Variants in GALNT10 observed in about 807,000 individuals in gnomAD.
The protein encoded by GALNT10 is GalNAc transferase 10.
Under a neutral mutation model 75.0 loss-of-function variants are expected in GALNT10, and 41 were observed. The ratio of observed to expected loss-of-function variants is 0.55; its 90% CI spans 0.43 to 0.71. The LOEUF (loss-of-function observed/expected upper bound fraction) is 0.71, where lower values mean the gene tolerates loss of function less well. Ranked by LOEUF, GALNT10 falls within the 30% of genes least tolerant of loss-of-function variation. The pLI is 0.00. For synonymous variants in GALNT10, 302 were observed against 313.0 expected (o/e 0.96, Z 0.37); for missense variants, 727 against 818.5 (o/e 0.89, Z 1.36).
At chr5:154,196,081 G>A (rs1055772911) in intron 1 of GALNT10, among the ~76,000 whole-genome samples, 3 of 152,054 alleles carry the variant, frequency 2.0e-5, no homozygotes, top group Non-Finnish European at 2.9e-5. Context: ...GCGCCACCAA[G>A]CCTGGCTAAT....
At chr5:154,251,992 T>C (rs1368304890) in intron 1 of GALNT10, among the ~76,000 whole-genome samples, 1 of 152,106 alleles carries the variant, frequency 6.6e-6, no homozygotes. Context: ...TTCTCTATTA[T>C]ATTTCTGTAG....
At chr5:154,350,530 G>T (rs1268002418) in intron 4 of GALNT10, among the ~76,000 whole-genome samples, 2 of 152,174 alleles carry the variant, frequency 1.3e-5, no homozygotes, top group Admixed American at 6.5e-5. Context: ...TATGTGCAGG[G>T]TTATTCACCA....
At chr5:154,279,397 A>G (rs1416638793) in intron 1 of GALNT10, among the ~76,000 whole-genome samples, 1 of 146,880 alleles carries the variant, frequency 6.8e-6, no homozygotes, top group Non-Finnish European at 1.5e-5. Context: ...TCCGCCTCCC[A>G]GGTTCAAGTA....
chr5:154,369,996 A>G lies in GALNT10; in HGVS notation c.569-6281A>G, dbSNP rs143663234. Reference sequence around the variant, plus strand: ...TGCTGTTTCTGCAAGGCTCAGTGGCATCAGAGATTGAAACTCTGAAATATT... The same window carrying G: ...TGCTGTTTCTGCAAGGCTCAGTGGCGTCAGAGATTGAAACTCTGAAATATT... On this transcript the variant is annotated intron_variant, in intron 4 of 11. Transcript: ENST00000297107. Among the ~76,000 whole-genome samples the G allele has an allele frequency of 1.7e-3, 265 of 152,356 alleles. 1 individual carries two copies. Among genetic ancestry groups the G allele is most frequent in the African/African-American group, 6.1e-3 (255 of 41,588 alleles).
At chr5:154,331,066 G>A (rs1157611705) in intron 4 of GALNT10, among the ~76,000 whole-genome samples, 3 of 152,038 alleles carry the variant, frequency 2.0e-5, no homozygotes, top group African/African-American at 4.8e-5. Flanking sequence ...TATCACAGGT[G>A]GAATTAAAAT....
intron 3 of GALNT10, among the ~76,000 whole-genome samples, chr5:154,301,562 G>GTTT (rs371007487): frequency 1.5e-5 from 2 of 129,678 alleles, no homozygotes; most frequent in African/African-American, 2.8e-5. Flanking sequence ...TTGTTTTTTT[G>GTTT]TTTTTTTTTT....
At chr5:154,264,245 G>A (rs191188343) in intron 1 of GALNT10, among the ~76,000 whole-genome samples, 55 of 151,016 alleles carry the variant, frequency 3.6e-4, no homozygotes, top group South Asian at 1.9e-3. Context: ...CCTGGGAGGC[G>A]GAGGTTGCAG....
chr5:154,330,121 GTTTC>G (rs1407617687), intron 4 of GALNT10, among the ~76,000 whole-genome samples: 1 of 152,248 alleles, frequency 6.6e-6, no homozygotes, highest in African/African-American at 2.4e-5. Flanking sequence ...GAACCAGGCT[GTTTC>G]TTTGTTTCTG....
chr5:154,397,737 G>A (rs1339777967), intron 7 of GALNT10, among the ~76,000 whole-genome samples: 4 of 152,244 alleles, frequency 2.6e-5, no homozygotes, highest in African/African-American at 7.2e-5. Flanking sequence ...GGCAAAAGCC[G>A]TGGCCAGCTG....
intron 7 of GALNT10, chr5:154,388,687 GA>G (rs1259502601): frequency 8.8e-6 from 1 of 113,090 alleles, no homozygotes. Context: ...CCCTTTCTGG[GA>G]TTTTTTTTTT....
chr5:154,417,111 T>C lies in GALNT10; in HGVS notation c.*139T>C, dbSNP rs115418821. The C allele has an allele frequency of 1.8e-3, 1,285 of 727,942 alleles. 17 individuals carry two copies. The African/African-American group carries it at 0.019, about 11-fold the overall frequency. 45.1% of individuals were successfully genotyped at this position (727,942 alleles called of 1,614,324 possible). On this transcript the variant is annotated 3_prime_UTR_variant, in exon 12 of 12. Transcript: ENST00000297107. ...GTTCAGGGTGAAGAGGGCTCTTGAT[T>C]CAGGGGCTGGGGTCTGCCTGGTCCT...
intron 4 of GALNT10, among the ~76,000 whole-genome samples, chr5:154,363,494 A>G (rs1407659600): frequency 4.9e-5 from 3 of 61,080 alleles, no homozygotes; most frequent in South Asian, 5.0e-4. Flanking sequence ...GTTTATCTGA[A>G]AAAAAAAAAA....
chr5:154,305,292 T>C (rs1224231876), intron 3 of GALNT10, among the ~76,000 whole-genome samples: 1 of 142,700 alleles, frequency 7.0e-6, no homozygotes, highest in Non-Finnish European at 1.5e-5. Context: ...CAAGACCTCA[T>C]CTGTAAAAAA....
intron 1 of GALNT10, among the ~76,000 whole-genome samples, chr5:154,289,425 G>T: frequency 6.6e-6 from 1 of 152,110 alleles, no homozygotes; most frequent in East Asian, 1.9e-4. Context: ...CATTCAGCTG[G>T]TATTTTTCAA....
At position 154,417,089 on chromosome 5, in the gene GALNT10, C is replaced by T; in HGVS notation, c.*117C>T. On this transcript the variant is annotated 3_prime_UTR_variant, in exon 12 of 12. Coordinates refer to ENST00000297107, the MANE Select transcript of GALNT10 (RefSeq NM_198321.4). Reference sequence around the variant, plus strand: ...TGTAAAAGGTGCTGGCCAAATGGTTCAGGGTGAAGAGGGCTCTTGATTCAG... The same window carrying T: ...TGTAAAAGGTGCTGGCCAAATGGTTTAGGGTGAAGAGGGCTCTTGATTCAG... 1.1e-6 allele frequency: 1 copy of T among 887,354 alleles called. No individual in the cohort carries two copies. Among genetic ancestry groups the T allele is most frequent in the Admixed American group, 2.1e-5 (1 of 47,220 alleles). The allele number at this position is 887,354 out of a possible 1,614,324, so 55.0% of individuals were successfully genotyped here. A position where few individuals can be genotyped will look rare whatever the true frequency, so the allele number is the denominator to read the frequency against.
chr5:154,277,981 G>A (rs1437254686), intron 1 of GALNT10, among the ~76,000 whole-genome samples: 1 of 144,296 alleles, frequency 6.9e-6, no homozygotes, highest in Non-Finnish European at 1.5e-5. Context: ...CCTAACCTAA[G>A]GCCAAAAAAA....
rs200481518 is a variant in GALNT10 at position 154,386,450 on chromosome 5, G to A, written c.1056+20G>A. Reference sequence around the variant, plus strand: ...TTCAAGGTGAGCCAGCTCTCCAGACGCCCCGTTCTTGGCACAGCCTCCTGA... The same window carrying A: ...TTCAAGGTGAGCCAGCTCTCCAGACACCCCGTTCTTGGCACAGCCTCCTGA... On this transcript the variant is annotated intron_variant, in intron 7 of 11. Transcript: ENST00000297107. 17 of 1,469,766 alleles carry A rather than the reference G, an allele frequency of 1.2e-5. No individual in the cohort carries two copies. The East Asian group carries it at 1.8e-4, about 16-fold the overall frequency. The allele number at this position is 1,469,766 out of a possible 1,614,324, so 91.0% of individuals were successfully genotyped here.
chr5:154,282,277 G>T (rs1754050270), intron 1 of GALNT10, among the ~76,000 whole-genome samples: 1 of 152,154 alleles, frequency 6.6e-6, no homozygotes, highest in Admixed American at 6.6e-5. Context: ...ACATCTTAAA[G>T]GTTCCACCTC....
chr5:154,338,019 A>ATGAT (rs767099562), intron 4 of GALNT10: 6 of 1,521,864 alleles, frequency 3.9e-6, no homozygotes, highest in Non-Finnish European at 5.4e-6. Context: ...TCGATCAGTC[A>ATGAT]TGATTGCAAT....
Sources: gnomAD v4.1 joint callset for allele counts (sites outside exome capture counted in the v4.1 genomes callset) on GRCh38, gnomAD v4.1.1 for gene constraint, MANE v1.5 for transcripts, NCBI Gene and HGNC (gene_info 2026-07-23, HGNC 2026-07-21) for gene names.